Variants in DLEC1 observed in about 807,000 individuals in gnomAD.
DLEC1 encodes deleted in lung and esophageal cancer protein 1.
Under a neutral mutation model 198.1 loss-of-function variants are expected in DLEC1, and 146 were observed. That is an observed-to-expected ratio of 0.74 (90% CI 0.64 to 0.85). The LOEUF (loss-of-function observed/expected upper bound fraction) is 0.85. DLEC1 is among the 40% of genes least tolerant of loss of function. The pLI, the probability that DLEC1 is intolerant of heterozygous loss-of-function variation, is 0.00. For synonymous variants in DLEC1, 897 were observed against 866.8 expected (o/e 1.03, Z -0.61); for missense variants, 2,233 against 2,220.0 (o/e 1.01, Z -0.12).
chr3:38,111,390 G>T lies in DLEC1; in HGVS notation c.3444-287G>T, dbSNP rs80187024. ...GGAGTAACCATGGCACAGAGCCTGTGGGCAGGGAGTCCTGCTTCAGAGCCC... is the reference window on the plus strand; with the variant it reads ...GGAGTAACCATGGCACAGAGCCTGTTGGCAGGGAGTCCTGCTTCAGAGCCC... On this transcript the variant is annotated intron_variant, in intron 23 of 36. Transcript: ENST00000308059. 5.4e-3 allele frequency among the ~76,000 whole-genome samples: 827 copies of T among 152,350 alleles called. 9 individuals are homozygous for T. The highest frequency in any genetic ancestry group is 0.019 in the African/African-American group (795 of 41,582).
chr3:38,107,799 AG>A, intron 20 of DLEC1, 62 bp downstream of exon 20: 1 of 1,562,824 alleles, frequency 6.4e-7, no homozygotes, highest in Non-Finnish European at 8.7e-7. Context: ...GCCCACATAG[AG>A]GGGGGCATTG....
chr3:38,088,309 T>A lies in DLEC1; in HGVS notation c.1586T>A (p.Val529Asp). ...PPLSFKAIAT[V>D]GFVEQPPFGI... ...CTTTTCTTTAAGGCCATTGCAACCGTCGGCTTTGTTGAACAACCTCCTTTT... is the reference window on the plus strand; with the variant it reads ...CTTTTCTTTAAGGCCATTGCAACCGACGGCTTTGTTGAACAACCTCCTTTT... The change falls in exon 10 of 37, where the codon GTC becomes GAC. Residue 529 changes from valine to aspartate, a missense_variant. Physicochemically the swap from Val to Asp is radical, Grantham distance 152. Transcript: ENST00000308059. 6.2e-7 allele frequency: 1 copy of A among 1,614,036 alleles called. No homozygotes were observed. Among genetic ancestry groups the A allele is most frequent in the Non-Finnish European group, 8.5e-7 (1 of 1,179,860 alleles).
intron 34 of DLEC1, among the ~76,000 whole-genome samples, chr3:38,121,329 C>G (rs1270528860): frequency 2.6e-5 from 4 of 152,206 alleles, no homozygotes; most frequent in African/African-American, 9.7e-5. Context: ...GGGGCCACCA[C>G]AGGAGGAGCA....
chr3:38,052,984 GT>G, intron 2 of DLEC1, among the ~76,000 whole-genome samples: 4 of 152,360 alleles, frequency 2.6e-5, no homozygotes, highest in Middle Eastern at 3.4e-3. Context: ...TGGAGACGGG[GT>G]TTCGCTGTGT....
Position 38,123,148 on chromosome 3 carries a change from G to A in DLEC1, c.*736G>A. 1 of 1,611,722 alleles carries A rather than the reference G, an allele frequency of 6.2e-7. No homozygotes were observed. Among genetic ancestry groups the A allele is most frequent in the Non-Finnish European group, 8.5e-7 (1 of 1,178,152 alleles). ...CTGTGAAAACAAAACTTAATTGGCT[G>A]GGCAAAGGCACCCACCAAATTACCT... On this transcript the variant is annotated 3_prime_UTR_variant, in exon 37 of 37. Coordinates refer to ENST00000308059, the MANE Select transcript of DLEC1 (RefSeq NM_007335.4).
At chr3:38,055,722 A>G (rs971895449) in intron 2 of DLEC1, among the ~76,000 whole-genome samples, 4 of 152,116 alleles carry the variant, frequency 2.6e-5, no homozygotes, top group Non-Finnish European at 5.9e-5. Flanking sequence ...ACGGAAAGCA[A>G]CGTGGACTCT....
intron 7 of DLEC1, 33 bp from the exon 8 acceptor site, chr3:38,085,241 A>G (rs1249728755): frequency 6.2e-7 from 1 of 1,613,500 alleles, no homozygotes; most frequent in Non-Finnish European, 8.5e-7. Context: ...GGCTGCTCCC[A>G]GGATCCTCAC....
At chr3:38,084,453 G>T (rs1045290580) in intron 7 of DLEC1, among the ~76,000 whole-genome samples, 3 of 4,346 alleles carry the variant, frequency 6.9e-4, no homozygotes, top group African/African-American at 1.7e-3. Flanking sequence ...GGTGGTGGTG[G>T]TAGTAGTAAT....
chr3:38,057,177 T>TA (rs1470842094), intron 2 of DLEC1, among the ~76,000 whole-genome samples: 1 of 152,216 alleles, frequency 6.6e-6, no homozygotes, highest in Non-Finnish European at 1.5e-5. Context: ...TAAAAAGCAG[T>TA]AAGAATCAAT....
intron 26 of DLEC1, 51 bp from the exon 27 acceptor site, chr3:38,114,932 C>A: frequency 1.3e-6 from 2 of 1,551,514 alleles, no homozygotes; most frequent in Non-Finnish European, 8.8e-7. Context: ...TCCCTACCTG[C>A]AAGGTGTACG....
chr3:38,065,222 C>T (rs572641787), intron 6 of DLEC1, among the ~76,000 whole-genome samples: 1,960 of 152,356 alleles, frequency 0.013, 37 homozygotes, highest in African/African-American at 0.043. Flanking sequence ...CCTGCAATCG[C>T]AGGCACTCGG....
rs752168761 is a variant in DLEC1 at position 38,121,751 on chromosome 3, G to T, written c.4990G>T (p.Gly1664Trp). 4.3e-6 allele frequency: 7 copies of T among 1,613,912 alleles called. No individual in the cohort carries two copies. The highest frequency in any genetic ancestry group is 1.7e-5 in the Admixed American group (1 of 59,990). The change falls in exon 35 of 37, where the codon GGG becomes TGG. Residue 1664 changes from glycine (G) to tryptophan (W), a missense_variant. Physicochemically the swap from Gly to Trp is radical, Grantham distance 184. Transcript: ENST00000308059. ...VREVYLMNLS[G>W]CRSYWTMLMG... ...GGAGGTCTACCTGATGAACCTGAGCGGGTGCCGAAGCTACTGGACTATGCT... is the reference window on the plus strand; with the variant it reads ...GGAGGTCTACCTGATGAACCTGAGCTGGTGCCGAAGCTACTGGACTATGCT...
At position 38,107,615 on chromosome 3, in the gene DLEC1, C is replaced by T. The variant is rs768638188; in HGVS notation, c.2896C>T (p.Pro966Ser). ...YLPVYAEVQK[P>S]HVYLQSSQVE... ...TCCTGTGTATGCTGAGGTACAGAAGCCCCATGTGTACCTACAGAGCAGCCA... is the reference window on the plus strand; with the variant it reads ...TCCTGTGTATGCTGAGGTACAGAAGTCCCATGTGTACCTACAGAGCAGCCA... The change falls in exon 20 of 37, where the codon CCC becomes TCC. Residue 966 changes from proline (P) to serine (S), a missense_variant. By Grantham distance (74) the Pro-to-Ser change is moderately conservative. Coordinates refer to ENST00000308059, the MANE Select transcript of DLEC1 (RefSeq NM_007335.4). 9 of 1,613,282 alleles carry T rather than the reference C, an allele frequency of 5.6e-6. No homozygotes were observed. The Admixed American group carries it at 1.5e-4, about 27-fold the overall frequency.
chr3:38,049,760 T>C (rs1165411251), intron 2 of DLEC1, among the ~76,000 whole-genome samples: 3 of 152,242 alleles, frequency 2.0e-5, no homozygotes, highest in Non-Finnish European at 4.4e-5. Context: ...GATACATCTC[T>C]TGTCACATGG....
chr3:38,074,414 G>A (rs1455837609), intron 6 of DLEC1, among the ~76,000 whole-genome samples: 1 of 152,198 alleles, frequency 6.6e-6, no homozygotes, highest in East Asian at 1.9e-4. Flanking sequence ...AGAATAAGGC[G>A]GCCTTCTGGC....
At chr3:38,045,769 A>G in intron 2 of DLEC1, 76 bp downstream of exon 2, 1 of 1,437,874 alleles carries the variant, frequency 7.0e-7, no homozygotes, top group Non-Finnish European at 9.3e-7. Context: ...TCCATTGCCC[A>G]CTCTCTAGGC....
At chr3:38,106,755 CAAAAAA>C (rs4019982) in intron 19 of DLEC1, among the ~76,000 whole-genome samples, 19 of 38,980 alleles carry the variant, frequency 4.9e-4, no homozygotes, top group African/African-American at 1.9e-3. Flanking sequence ...GACTCTATCT[CAAAAAA>C]AAAAAAAAAA....
chr3:38,102,532 T>G (rs2125708181), intron 19 of DLEC1, among the ~76,000 whole-genome samples: 1 of 152,262 alleles, frequency 6.6e-6, no homozygotes, highest in East Asian at 1.9e-4. Flanking sequence ...TTTTTGAGTT[T>G]TCTTCTGCTT....
At chr3:38,069,781 G>T (rs1001882548) in intron 6 of DLEC1, among the ~76,000 whole-genome samples, 1 of 152,130 alleles carries the variant, frequency 6.6e-6, no homozygotes, top group African/African-American at 2.4e-5. Flanking sequence ...ACCATCCCAT[G>T]GTGCTCACAC....
Sources: allele counts gnomAD v4.1 joint callset (sites outside exome capture counted in the v4.1 genomes callset), GRCh38; gene constraint gnomAD v4.1.1; transcripts MANE v1.5; gene names NCBI Gene and HGNC (gene_info 2026-07-23, HGNC 2026-07-21).